PCNX1: variants seen among roughly 807,000 people sequenced by gnomAD.
PCNX1 encodes the protein pecanex-like protein 1.
In PCNX1, 78 loss-of-function variants were observed where a neutral mutation model predicts 242.2. The observed-to-expected ratio is 0.32, with a 90% CI of 0.27 to 0.39. The LOEUF (loss-of-function observed/expected upper bound fraction) is 0.39, where lower values mean the gene tolerates loss of function less well. Ranked by LOEUF, PCNX1 falls within the 10% of genes least tolerant of loss-of-function variation. The pLI is 1.00. For synonymous variants in PCNX1, 1,024 were observed against 1,032.9 expected, an observed-to-expected ratio of 0.99 and a Z score of 0.17; for missense variants, 2,581 against 2,856.5, an observed-to-expected ratio of 0.90 and a Z score of 2.20.
chr14:70,970,859 C>T (rs1358729205), intron 5 of PCNX1, among the ~76,000 whole-genome samples: 1 of 152,188 alleles, frequency 6.6e-6, no homozygotes, highest in Non-Finnish European at 1.5e-5. Flanking sequence ...GATTTGGCTT[C>T]ATGGGACTTA....
chr14:70,937,609 C>T (rs2057062016), intron 1 of PCNX1, among the ~76,000 whole-genome samples: 1 of 152,150 alleles, frequency 6.6e-6, no homozygotes, highest in African/African-American at 2.4e-5. Context: ...ATTGTCTTGG[C>T]AGTGCGGGCT....
intron 19 of PCNX1, among the ~76,000 whole-genome samples, chr14:71,043,928 C>T (rs949792391): frequency 6.6e-6 from 1 of 152,156 alleles, no homozygotes; most frequent in Non-Finnish European, 1.5e-5. Flanking sequence ...ACATTGATAT[C>T]TGCACATCTG....
At chr14:70,975,342 C>T (rs140681078) in intron 5 of PCNX1, among the ~76,000 whole-genome samples, 12 of 151,744 alleles carry the variant, frequency 7.9e-5, no homozygotes, top group Non-Finnish European at 1.5e-4. Context: ...TAATAAAGAA[C>T]GGGTTTTACT....
At chr14:70,935,650 G>A (rs2056972577) in intron 1 of PCNX1, among the ~76,000 whole-genome samples, 1 of 152,086 alleles carries the variant, frequency 6.6e-6, no homozygotes, top group South Asian at 2.1e-4. Flanking sequence ...AATAATGTTG[G>A]GGTTGTTGCC....
intron 1 of PCNX1, among the ~76,000 whole-genome samples, chr14:70,913,255 T>G (rs3122093): frequency 6.6e-6 from 1 of 152,160 alleles, no homozygotes; most frequent in African/African-American, 2.4e-5. Flanking sequence ...ATGTGAAGCT[T>G]TTTTAGACTT....
At chr14:70,937,763 T>C (rs983315913) in intron 1 of PCNX1, among the ~76,000 whole-genome samples, 1 of 152,244 alleles carries the variant, frequency 6.6e-6, no homozygotes, top group Non-Finnish European at 1.5e-5. Context: ...TTCCTATCCA[T>C]GAGCATGGAA....
intron 7 of PCNX1, among the ~76,000 whole-genome samples, chr14:70,991,531 A>G (rs923257056): frequency 6.6e-6 from 1 of 152,162 alleles, no homozygotes; most frequent in Non-Finnish European, 1.5e-5. Context: ...AAGGGTTCAC[A>G]TTATAGTTTT....
At position 71,108,599 on chromosome 14, in the gene PCNX1, C is replaced by T. The variant is rs1395328186; in HGVS notation, c.6302-5C>T. ...TTGAGTGAGTGCTGCTGTTTCTCCT[C>T]CTAGGCACTAGCCACAGCTCTCACT... On this transcript the variant is annotated splice_polypyrimidine_tract_variant and splice_region_variant and intron_variant, in intron 33 of 35. Coordinates refer to ENST00000304743, the MANE Select transcript of PCNX1 (RefSeq NM_014982.3). 4 of 1,598,586 alleles carry T rather than the reference C, an allele frequency of 2.5e-6. No homozygotes were observed. Among genetic ancestry groups the T allele is most frequent in the Non-Finnish European group, 3.4e-6 (4 of 1,169,390 alleles).
intron 8 of PCNX1, among the ~76,000 whole-genome samples, chr14:71,006,248 A>G (rs911863290): frequency 4.0e-5 from 6 of 151,772 alleles, no homozygotes; most frequent in African/African-American, 1.5e-4. Flanking sequence ...TTGCCTCCCA[A>G]AATGCTGAGA....
rs2062485451 is a variant in PCNX1, at chr14:71,102,316, C to T, written c.5820+96C>T. 3.8e-6 allele frequency: 3 copies of T among 779,734 alleles called. No individual in the cohort carries two copies. The South Asian group carries it at 5.0e-5, about 13-fold the overall frequency. The allele number at this position is 779,734 out of a possible 1,614,324, so 48.3% of individuals were successfully genotyped here. On this transcript the variant is annotated intron_variant, in intron 31 of 35. Coordinates refer to ENST00000304743, the MANE Select transcript of PCNX1 (RefSeq NM_014982.3). The stretch of plus-strand genomic sequence containing the variant: ...TTGAGACAGAGTCTCACTTTGGGCC[C>T]AGGCTGGAATACAGTGGCATGATCA...
In PCNX1 at chr14:71,036,065, A is replaced by G. The variant is rs2060523707; in HGVS notation, c.3775A>G (p.Ser1259Gly). The G allele has an allele frequency of 1.9e-6, 3 of 1,577,910 alleles. No homozygotes were observed. The highest frequency in any genetic ancestry group is 4.5e-5 in the East Asian group (2 of 44,656). ...TAATAATTCTTTTTTTTCCCCACAG[A>G]GTGAGCGATTACAGTCTGACCTGGT... is the stretch of plus-strand genomic sequence containing the variant. ...PLPEKLRNSVSERLQSDLVVC... is the reference protein window; with the variant it reads ...PLPEKLRNSVGERLQSDLVVC... Residue 1259 changes from serine (S) to glycine (G), a missense_variant and splice_region_variant, in exon 19 of 36, where the codon AGT (serine) becomes GGT (glycine). Physicochemically the swap from Ser to Gly is moderately conservative, Grantham distance 56. Around this residue, in one of 9 missense-constraint regions of PCNX1, gnomAD observed 432 missense variants for 443.1 expected, o/e 0.97. Coordinates refer to ENST00000304743, the MANE Select transcript of PCNX1 (RefSeq NM_014982.3).
chr14:70,963,730 A>G (rs2058291548), intron 3 of PCNX1, among the ~76,000 whole-genome samples: 1 of 152,230 alleles, frequency 6.6e-6, no homozygotes, highest in African/African-American at 2.4e-5. Flanking sequence ...GTTACTACAT[A>G]GCATCACTTT....
chr14:70,938,052 A>G (rs1357954946), intron 1 of PCNX1, among the ~76,000 whole-genome samples: 2 of 152,116 alleles, frequency 1.3e-5, no homozygotes, highest in Non-Finnish European at 2.9e-5. Flanking sequence ...GGGTTTTCTA[A>G]ATATACAATC....
In PCNX1 at chr14:71,109,445, CA is replaced by C; in HGVS notation, c.6745-6del. The C allele has an allele frequency of 6.2e-7, 1 of 1,604,638 alleles. No homozygotes were observed. Among genetic ancestry groups the C allele is most frequent in the South Asian group, 1.1e-5 (1 of 89,966 alleles). On this transcript the variant is annotated splice_region_variant and splice_polypyrimidine_tract_variant and intron_variant, in intron 34 of 35. Coordinates refer to ENST00000304743, the MANE Select transcript of PCNX1 (RefSeq NM_014982.3). ...ATGAATTGGAAATGTTTTTATTTAC[CA>C]TGTAGATTGTGGATCCCAGTCAAAT...
chr14:71,092,759 T>C (rs1040405349), intron 30 of PCNX1: 5 of 152,222 alleles, frequency 3.3e-5, no homozygotes, highest in Admixed American at 6.5e-5. Flanking sequence ...TGATCGGGAC[T>C]GTCTTTACCT....
Position 70,977,184 on chromosome 14 carries a change from G to A in PCNX1, c.847G>A (p.Val283Ile), listed in dbSNP as rs374958774. Residue 283 changes from valine (V) to isoleucine (I), a missense_variant, in exon 6 of 36, where the codon GTA (valine) becomes ATA (isoleucine). By Grantham distance (29) the Val-to-Ile change is conservative (BLOSUM62 3). Transcript: ENST00000304743. The stretch of plus-strand genomic sequence containing the variant: ...TAGAAAAGACCACCGGCCGCGAGGT[G>A]TACCACGGACTTCTAGCTCTGCTGT... Reference protein sequence around the residue: ...SYRKDHRPRGVPRTSSSAVAF... With the variant: ...SYRKDHRPRGIPRTSSSAVAF... 9 of 1,614,052 alleles carry A rather than the reference G, an allele frequency of 5.6e-6. No homozygotes were observed. Among genetic ancestry groups the A allele is most frequent in the Middle Eastern group, 1.6e-4 (1 of 6,084 alleles).
At chr14:71,082,363 A>G (rs569220299) in intron 28 of PCNX1, among the ~76,000 whole-genome samples, 43 of 152,274 alleles carry the variant, frequency 2.8e-4, no homozygotes, top group African/African-American at 9.9e-4. Context: ...TTCTGTAGAC[A>G]TCTATTAGGT....
chr14:70,907,919 C>T lies in PCNX1; in HGVS notation c.69C>T (p.Tyr23=), dbSNP rs751718902. 5.8e-5 allele frequency: 93 copies of T among 1,590,338 alleles called. No homozygotes were observed. The highest frequency in any genetic ancestry group is 9.0e-5 in the South Asian group (8 of 88,418). ...VWAALSGGWY[Y]DPHQATFVNA... is the part of the protein sequence containing the mutation. ...CCGCGCTCAGCGGGGGCTGGTACTA[C>T]GACCCGCACCAGGCCACCTTCGTGA... The change falls in exon 1 of 36, where the codon TAC becomes TAT. Residue 23 remains tyrosine (Y), a synonymous_variant. Transcript: ENST00000304743.
At chr14:71,057,426 G>C in intron 25 of PCNX1, 83 bp from the exon 26 acceptor site, 3 of 826,374 alleles carry the variant, frequency 3.6e-6, no homozygotes, top group East Asian at 4.9e-5. Context: ...CCCCATACTA[G>C]AAGTTTTTAA....
Sources: allele counts gnomAD v4.1 joint callset (sites outside exome capture counted in the v4.1 genomes callset), GRCh38; gene constraint gnomAD v4.1.1; regional missense constraint gnomAD v4.1.1; transcripts MANE v1.5; gene names NCBI Gene and HGNC (gene_info 2026-07-23, HGNC 2026-07-21).